The following TMEM114 variants were observed in gnomAD, a reference collection of about 807,000 sequenced individuals.
The protein encoded by TMEM114 is transmembrane protein 114.
Under a neutral mutation model 6.2 loss-of-function variants are expected in TMEM114, and 6 were observed. That is an observed-to-expected ratio of 0.97 (90% CI 0.53 to 1.91). The LOEUF (loss-of-function observed/expected upper bound fraction) is 1.91. Among genes scored for constraint, TMEM114 ranks in the 40% most tolerant of loss-of-function variants. The probability of loss-of-function intolerance (pLI) is 0.01; values close to 1 mark genes in which losing one functional copy is unlikely to be tolerated. For missense variants in TMEM114, 218 were observed against 158.3 expected (o/e 1.38, Z -2.02); for synonymous variants, 104 against 73.0 (o/e 1.42, Z -2.16).
At chr16:8,556,580 C>T (rs1028560888) in intron 2 of TMEM114, among the ~76,000 whole-genome samples, 1 of 152,130 alleles carries the variant, frequency 6.6e-6, no homozygotes. Context: ...TGGCTCACTG[C>T]AACCTCCGCC....
chr16:8,549,783 T>C (rs1197094036), intron 2 of TMEM114, among the ~76,000 whole-genome samples: 1 of 152,120 alleles, frequency 6.6e-6, no homozygotes. Context: ...TCTACCTGTA[T>C]TAGTCAGGGT....
downstream of TMEM114, among the ~76,000 whole-genome samples, chr16:8,564,734 G>T (rs563552484): frequency 9.1e-5 from 11 of 121,074 alleles, no homozygotes; most frequent in African/African-American, 2.6e-4. Flanking sequence ...AGTGAGTGAG[G>T]GAGGGAGGGA....
chr16:8,562,578 G>C (rs959592942), intron 2 of TMEM114, among the ~76,000 whole-genome samples: 3 of 105,314 alleles, frequency 2.8e-5, no homozygotes, highest in Admixed American at 9.3e-5. Flanking sequence ...GTGAATGAGT[G>C]AGGAAATAAG....
At chr16:8,560,614 G>A (rs1046018793) in intron 2 of TMEM114, among the ~76,000 whole-genome samples, 3 of 152,140 alleles carry the variant, frequency 2.0e-5, no homozygotes, top group African/African-American at 2.4e-5. Context: ...GCTGGAGTTC[G>A]AGTCTCACCC....
chr16:8,560,050 G>T (rs1282186225), intron 2 of TMEM114, among the ~76,000 whole-genome samples: 1 of 152,180 alleles, frequency 6.6e-6, no homozygotes, highest in Non-Finnish European at 1.5e-5. Flanking sequence ...AGGCTGGAGT[G>T]CAGTGGTGCC....
At chr16:8,536,099 C>T (rs1483930747), downstream of TMEM114, among the ~76,000 whole-genome samples, 6 of 151,996 alleles carry the variant, frequency 3.9e-5, no homozygotes, top group Non-Finnish European at 8.8e-5. Context: ...GTGACGTGCA[C>T]CTGTAATCCC....
intron 2 of TMEM114, among the ~76,000 whole-genome samples, chr16:8,585,423 C>G (rs1273848263): frequency 6.6e-6 from 1 of 151,994 alleles, no homozygotes; most frequent in Non-Finnish European, 1.5e-5. Context: ...GAGGAAAAAT[C>G]AAGGTTTCTT....
chr16:8,550,075 C>T (rs999093838), intron 2 of TMEM114, among the ~76,000 whole-genome samples: 1 of 152,154 alleles, frequency 6.6e-6, no homozygotes, highest in South Asian at 2.1e-4. Flanking sequence ...ATCTGATGTT[C>T]CAGGGCAGGA....
intron 2 of TMEM114, among the ~76,000 whole-genome samples, chr16:8,560,786 G>A (rs562899310): frequency 1.7e-4 from 26 of 152,300 alleles, no homozygotes; most frequent in African/African-American, 6.0e-4. Context: ...ACCTCCAGGA[G>A]AAGGCACCAA....
In TMEM114 at chr16:8,589,617, A is replaced by G; in HGVS notation, c.220+2T>C. On this transcript the variant is annotated splice_donor_variant, in intron 1 of 3. Transcript: ENST00000620492. LOFTEE classifies it high-confidence loss of function. ...GCTCCCAGCCACGGGGTGCACCCTTACCCCGGCAGGTCCGCCAGAGGCCGG... is the reference window on the plus strand; with the variant it reads ...GCTCCCAGCCACGGGGTGCACCCTTGCCCCGGCAGGTCCGCCAGAGGCCGG... The G allele has an allele frequency of 2.5e-6, 1 of 398,400 alleles. No homozygotes were observed. Among genetic ancestry groups the G allele is most frequent in the Non-Finnish European group, 4.4e-6 (1 of 225,948 alleles). 24.7% of individuals were successfully genotyped at this position (398,400 alleles called of 1,614,324 possible). A position where few individuals can be genotyped will look rare whatever the true frequency, so the allele number is the denominator to read the frequency against.
intron 2 of TMEM114, among the ~76,000 whole-genome samples, chr16:8,582,961 C>A (rs759330572): frequency 2.7e-5 from 4 of 150,454 alleles, no homozygotes; most frequent in African/African-American, 1.0e-4. Flanking sequence ...CAGGGAAAGG[C>A]AGGGAAAGGA....
intron 1 of TMEM114, 91 bp from the exon 2 acceptor site, chr16:8,589,384 T>C: frequency 2.5e-6 from 1 of 398,664 alleles, no homozygotes; most frequent in Non-Finnish European, 4.4e-6. Context: ...TCACCCTAAG[T>C]GCCCCACCCG....
intron 2 of TMEM114, among the ~76,000 whole-genome samples, chr16:8,562,808 G>C (rs1258703862): frequency 6.7e-6 from 1 of 148,696 alleles, no homozygotes; most frequent in African/African-American, 2.5e-5. Flanking sequence ...GAATGAGTGA[G>C]TAAATGAGTG....
intron 2 of TMEM114, among the ~76,000 whole-genome samples, chr16:8,557,571 C>T (rs1013146695): frequency 6.6e-6 from 1 of 152,234 alleles, no homozygotes; most frequent in Non-Finnish European, 1.5e-5. Context: ...TTGGCCACTA[C>T]ATCTTGGGTA....
In TMEM114 at chr16:8,589,263, G is replaced by T; in HGVS notation, c.251C>A (p.Pro84His). 5.0e-6 allele frequency: 2 copies of T among 398,840 alleles called. No homozygotes were observed. The highest frequency in any genetic ancestry group is 4.4e-6 in the Non-Finnish European group (1 of 226,274). 24.7% of individuals were successfully genotyped at this position (398,840 alleles called of 1,614,324 possible). A position where few individuals can be genotyped will look rare whatever the true frequency, so the allele number is the denominator to read the frequency against. Residue 84 changes from proline to histidine, a missense_variant, in exon 2 of 4, where the codon CCC becomes CAC. Physicochemically the swap from Pro to His is moderately conservative, Grantham distance 77. Transcript: ENST00000620492. ...GACTGTCACGTTCTCCAGCCTGAAG[G>T]GGTTCATCAGCGGTGTGCACGGGCT... Reference protein sequence around the residue: ...VQSPCTPLMNPFRLENVTVSE... With the variant: ...VQSPCTPLMNHFRLENVTVSE...
intron 2 of TMEM114, among the ~76,000 whole-genome samples, chr16:8,538,111 C>T (rs1900413867): frequency 8.6e-6 from 1 of 115,762 alleles, no homozygotes; most frequent in East Asian, 2.5e-4. Context: ...CCAGCCTGGA[C>T]AGCATGGTGT....
At chr16:8,547,396 CT>C (rs748623573) in intron 2 of TMEM114, among the ~76,000 whole-genome samples, 152 of 74,280 alleles carry the variant, frequency 2.0e-3, no homozygotes, top group Non-Finnish European at 2.3e-3. Flanking sequence ...TTCTTTCTTT[CT>C]TTTTTTTTTT....
chr16:8,536,633 A>ATTCTTT (rs1019295685), downstream of TMEM114, among the ~76,000 whole-genome samples: 2 of 152,134 alleles, frequency 1.3e-5, no homozygotes, highest in Admixed American at 6.6e-5. Flanking sequence ...TCAGATGCTT[A>ATTCTTT]TTCTTTTTCT....
At chr16:8,558,470 C>G (rs1901088787) in intron 2 of TMEM114, among the ~76,000 whole-genome samples, 1 of 152,076 alleles carries the variant, frequency 6.6e-6, no homozygotes, top group Non-Finnish European at 1.5e-5. Context: ...AGAAAGACAC[C>G]AGTCATTGGT....
Sources: allele counts gnomAD v4.1 joint callset (sites outside exome capture counted in the v4.1 genomes callset), GRCh38; gene constraint gnomAD v4.1.1; transcripts MANE v1.5; gene names NCBI Gene and HGNC (gene_info 2026-07-23, HGNC 2026-07-21).